Variants in NPAS1 observed in about 807,000 individuals in gnomAD.
NPAS1 encodes the protein neuronal PAS domain protein 1, also known as neuronal PAS domain-containing protein 1.
NPAS1 carries 29 observed loss-of-function variants against 49.2 expected under a neutral mutation model. The observed-to-expected ratio is 0.59, with a 90% CI of 0.44 to 0.80. The LOEUF (loss-of-function observed/expected upper bound fraction) is 0.80. Among genes scored for constraint, NPAS1 ranks in the 30% least tolerant of loss-of-function variants. The pLI is 0.00. For missense variants in NPAS1, 825 were observed against 835.5 expected, an observed-to-expected ratio of 0.99 and a Z score of 0.15; for synonymous variants, 408 against 380.4, an observed-to-expected ratio of 1.07 and a Z score of -0.84.
At chr19:47,032,491 CCT>C (rs2056913678) in intron 4 of NPAS1, 140 bp downstream of exon 4, 1 of 1,098,956 alleles carries the variant, frequency 9.1e-7, no homozygotes, top group South Asian at 1.4e-5. Flanking sequence ...CCCTCCACTC[CCT>C]GCCCCTTCCG....
chr19:47,019,916 GC>G lies in NPAS1; in HGVS notation c.-120del, dbSNP rs2056827916. 3 of 385,292 alleles carry G rather than the reference GC, an allele frequency of 7.8e-6. No individual in the cohort carries two copies. The highest frequency in any genetic ancestry group is 9.2e-6 in the Non-Finnish European group (2 of 217,470). The allele number at this position is 385,292 out of a possible 1,614,324, so 23.9% of individuals were successfully genotyped here. ...CGCGCGCCCCGGGGTCTATGGAGCTGCCCCTCCGCGCCGCCCGGCCGGCCCC... is the reference window on the plus strand; with the variant it reads ...CGCGCGCCCCGGGGTCTATGGAGCTGCCCTCCGCGCCGCCCGGCCGGCCCC... On this transcript the variant is annotated 5_prime_UTR_variant, in exon 1 of 12. The change creates a premature stop within an existing upstream ORF in the 5' untranslated region. Transcript: ENST00000602212.
chr19:47,036,837 GTGC>G, intron 6 of NPAS1, among the ~76,000 whole-genome samples: 1 of 152,016 alleles, frequency 6.6e-6, no homozygotes, highest in East Asian at 1.9e-4. Context: ...AGCAGAGATT[GTGC>G]CACTGCACTC....
chr19:47,030,522 G>C (rs2056898536), intron 3 of NPAS1, among the ~76,000 whole-genome samples: 1 of 149,934 alleles, frequency 6.7e-6, no homozygotes, highest in Non-Finnish European at 1.5e-5. Context: ...AGAGATGGGG[G>C]TCTCACTGCA....
At chr19:47,023,214 C>A (rs965176034) in intron 3 of NPAS1, among the ~76,000 whole-genome samples, 1 of 152,078 alleles carries the variant, frequency 6.6e-6, no homozygotes, top group African/African-American at 2.4e-5. Context: ...TTACCGCGAA[C>A]AACATGTGCG....
chr19:47,032,372 G>A (rs200461037), intron 4 of NPAS1, 21 bp downstream of exon 4: 6 of 1,612,658 alleles, frequency 3.7e-6, no homozygotes, highest in Non-Finnish European at 4.2e-6. Context: ...CCCCTTCCCT[G>A]CCTGCCGCTC....
Position 47,040,436 on chromosome 19 carries a change from C to A in NPAS1, c.963-8C>A. 2 of 1,568,610 alleles carry A rather than the reference C, an allele frequency of 1.3e-6. No individual in the cohort carries two copies. Among genetic ancestry groups the A allele is most frequent in the Non-Finnish European group, 1.7e-6 (2 of 1,153,276 alleles). On this transcript the variant is annotated splice_polypyrimidine_tract_variant and splice_region_variant and intron_variant, in intron 8 of 11. Transcript: ENST00000602212. ...TGGACTCCTCCCCTCTTCTCTGTCA[C>A]CCCCCAGAGTCAGCGACCACATGGA... is the stretch of plus-strand genomic sequence containing the variant.
At chr19:47,035,161 A>G (rs924695774) in intron 5 of NPAS1, among the ~76,000 whole-genome samples, 1 of 149,658 alleles carries the variant, frequency 6.7e-6, no homozygotes, top group African/African-American at 2.5e-5. Context: ...AGCCTGGGCA[A>G]CAAGAGCAAA....
intron 3 of NPAS1, among the ~76,000 whole-genome samples, chr19:47,024,422 C>G (rs1003379887): frequency 6.6e-6 from 1 of 151,946 alleles, no homozygotes; most frequent in Non-Finnish European, 1.5e-5. Flanking sequence ...AGGCAAGAGG[C>G]GGGAGGATAG....
chr19:47,040,580 C>T lies in NPAS1; in HGVS notation c.1069+30C>T, dbSNP rs375714235. 2.4e-5 allele frequency: 35 copies of T among 1,458,432 alleles called. No individual in the cohort carries two copies. In the Middle Eastern group the frequency reaches 1.2e-3, roughly 50 times the overall value. 90.3% of individuals were successfully genotyped at this position (1,458,432 alleles called of 1,614,324 possible). On this transcript the variant is annotated intron_variant, in intron 9 of 11. Transcript: ENST00000602212. ...GACCCACCTCCACCCACCAAGCCTG[C>T]CTACCACCCCCCAGACCCGAGCATC...
chr19:47,036,424 T>G (rs1213118997), intron 6 of NPAS1, among the ~76,000 whole-genome samples: 1 of 152,216 alleles, frequency 6.6e-6, no homozygotes, highest in African/African-American at 2.4e-5. Flanking sequence ...CGGCTGTGTC[T>G]GTAAGTGCAC....
At chr19:47,043,278 C>CAAAAAAAAAAAAAAA (rs1170715547) in intron 11 of NPAS1, among the ~76,000 whole-genome samples, 2 of 58,600 alleles carry the variant, frequency 3.4e-5, no homozygotes, top group South Asian at 6.3e-4. Flanking sequence ...GACTCTGTCT[C>CAAAAAAAAAAAAAAA]AAAAAAAAAA....
intron 3 of NPAS1, among the ~76,000 whole-genome samples, chr19:47,024,773 G>A (rs1181240973): frequency 1.3e-5 from 2 of 151,688 alleles, no homozygotes; most frequent in African/African-American, 4.8e-5. Flanking sequence ...GTCTGGAGAG[G>A]AGACCGCCCA....
chr19:47,042,378 G>A (rs1006925578), intron 10 of NPAS1, among the ~76,000 whole-genome samples: 11 of 152,288 alleles, frequency 7.2e-5, no homozygotes, highest in South Asian at 4.1e-4. Context: ...CAAGATGGGC[G>A]CTGGAGGACC....
In NPAS1 at chr19:47,034,614, C is replaced by T. The variant is rs544232218; in HGVS notation, c.523-1350C>T. Among the ~76,000 whole-genome samples the T allele has an allele frequency of 9.9e-5, 15 of 151,962 alleles. 1 individual carries two copies. In the South Asian group the frequency reaches 1.9e-3, roughly 19 times the overall value. On this transcript the variant is annotated intron_variant, in intron 5 of 11. Transcript: ENST00000602212. ...AAGCTTGGCCAGGTGTGGTGGCTCA[C>T]GCCTGTAATCCCAGCACTTTGGGAG...
At chr19:47,028,047 G>A (rs894642456) in intron 3 of NPAS1, among the ~76,000 whole-genome samples, 3 of 151,970 alleles carry the variant, frequency 2.0e-5, no homozygotes, top group Non-Finnish European at 4.4e-5. Flanking sequence ...ACAGGGGACC[G>A]GACCCGTGTA....
intron 10 of NPAS1, among the ~76,000 whole-genome samples, chr19:47,042,486 C>T (rs1349135730): frequency 1.3e-5 from 2 of 152,140 alleles, no homozygotes; most frequent in African/African-American, 4.8e-5. Flanking sequence ...TTGCTGAGCC[C>T]GGATTTGGGC....
In NPAS1 at chr19:47,021,094, G is replaced by C. The variant is rs2056836779; in HGVS notation, c.47G>C (p.Cys16Ser). Residue 16 changes from cysteine to serine, a missense_variant, in exon 2 of 12, where the codon TGC becomes TCC. By Grantham distance (112) the Cys-to-Ser change is moderately radical (BLOSUM62 -1). Transcript: ENST00000602212. This position sits in a 1 kb window ranked among gnomAD's most constrained non-coding sequence, Gnocchi z 5.7. Reference sequence around the variant, plus strand: ...AGTGGCGGCGGAAGCGAGGTCAAATGCGTGGGAGGCCGCGGCGCCAGCGTC... The same window carrying C: ...AGTGGCGGCGGAAGCGAGGTCAAATCCGTGGGAGGCCGCGGCGCCAGCGTC... Reference protein sequence around the residue: ...PGSGGGSEVKCVGGRGASVPW... With the variant: ...PGSGGGSEVKSVGGRGASVPW... 6.2e-7 allele frequency: 1 copy of C among 1,604,150 alleles called. No homozygotes were observed. The highest frequency in any genetic ancestry group is 8.5e-7 in the Non-Finnish European group (1 of 1,176,174).
chr19:47,035,095 T>C (rs1235290416), intron 5 of NPAS1, among the ~76,000 whole-genome samples: 1 of 148,620 alleles, frequency 6.7e-6, no homozygotes, highest in Non-Finnish European at 1.5e-5. Context: ...GCGGGAGAAT[T>C]GCTTGAACCT....
Position 47,045,213 on chromosome 19 carries a change from G to C in NPAS1, c.1335G>C (p.Gly445=). The change falls in exon 12 of 12, where the codon GGG becomes GGC. Residue 445 remains glycine, a synonymous_variant. Transcript: ENST00000602212. The part of the protein sequence containing the change: ...EPTEPEPPTE[G]KQAAPAENEA... ...CAGAGCCGGAGCCTCCGACGGAAGGGAAGCAGGCTGCCCCAGCGGAGAACG... is the reference window on the plus strand; with the variant it reads ...CAGAGCCGGAGCCTCCGACGGAAGGCAAGCAGGCTGCCCCAGCGGAGAACG... 6.2e-7 allele frequency: 1 copy of C among 1,613,740 alleles called. No homozygotes were observed. Among genetic ancestry groups the C allele is most frequent in the Non-Finnish European group, 8.5e-7 (1 of 1,179,934 alleles).
Sources: allele counts gnomAD v4.1 joint callset (sites outside exome capture counted in the v4.1 genomes callset), GRCh38; gene constraint gnomAD v4.1.1; non-coding constraint Gnocchi (gnomAD v3.1); transcripts MANE v1.5; gene names NCBI Gene and HGNC (gene_info 2026-07-23, HGNC 2026-07-21).